PPFIBP1: variants seen among roughly 807,000 people sequenced by gnomAD.
The protein encoded by PPFIBP1 is PPFIB scaffold protein 1.
In PPFIBP1, 112 loss-of-function variants were observed where a neutral mutation model predicts 137.8. The observed-to-expected ratio is 0.81, with a 90% CI of 0.70 to 0.95. The LOEUF (loss-of-function observed/expected upper bound fraction) is 0.95, where lower values mean the gene tolerates loss of function less well. PPFIBP1 is among the 40% of genes least tolerant of loss of function. PPFIBP1 has a pLI of 0.00. For synonymous variants in PPFIBP1, 378 were observed against 417.3 expected (o/e 0.91, Z 1.15); for missense variants, 1,083 against 1,196.6 (o/e 0.91, Z 1.40).
At chr12:27,558,775 C>T (rs768355295) in intron 1 of PPFIBP1, among the ~76,000 whole-genome samples, 2 of 152,162 alleles carry the variant, frequency 1.3e-5, no homozygotes, top group Non-Finnish European at 2.9e-5. Flanking sequence ...GCATGCAAAG[C>T]TTAATTAGGT....
At chr12:27,528,610 A>T (rs1251857826) in intron 1 of PPFIBP1, among the ~76,000 whole-genome samples, 3 of 152,152 alleles carry the variant, frequency 2.0e-5, no homozygotes, top group Non-Finnish European at 4.4e-5. Flanking sequence ...TTCATTTTAG[A>T]TATAATAATT....
chr12:27,653,827 G>A (rs1215044013), intron 7 of PPFIBP1, among the ~76,000 whole-genome samples: 1 of 152,174 alleles, frequency 6.6e-6, no homozygotes, highest in Non-Finnish European at 1.5e-5. Context: ...AGTGGCAGTA[G>A]AAAAGGTGCA....
chr12:27,585,738 G>A (rs983202439), intron 2 of PPFIBP1, among the ~76,000 whole-genome samples: 2 of 152,306 alleles, frequency 1.3e-5, no homozygotes, highest in Middle Eastern at 6.8e-3. Flanking sequence ...TCTGTTCTAC[G>A]GAGGAGCTTC....
intron 2 of PPFIBP1, among the ~76,000 whole-genome samples, chr12:27,595,186 T>C (rs549681803): frequency 1.3e-5 from 2 of 152,236 alleles, no homozygotes; most frequent in East Asian, 3.8e-4. Context: ...TTAGTCCAGC[T>C]TTTTCTGTGA....
intron 1 of PPFIBP1, among the ~76,000 whole-genome samples, chr12:27,526,569 C>T (rs887642903): frequency 1.3e-5 from 2 of 152,170 alleles, no homozygotes; most frequent in Non-Finnish European, 2.9e-5. Flanking sequence ...CTTGGTGGCT[C>T]ACACCTGTAA....
intron 1 of PPFIBP1, among the ~76,000 whole-genome samples, chr12:27,563,903 C>T (rs113263092): frequency 0.02 from 2,953 of 149,858 alleles, 88 homozygotes; most frequent in African/African-American, 0.068. Flanking sequence ...GACGGAGTCT[C>T]TCTCTGTCAC....
chr12:27,672,600 T>A, intron 15 of PPFIBP1, 117 bp downstream of exon 15: 1 of 762,260 alleles, frequency 1.3e-6, no homozygotes, highest in Non-Finnish European at 2.2e-6. Flanking sequence ...AATTACTGAA[T>A]AAATCAATGT....
chr12:27,621,346 T>C (rs1312363542), intron 2 of PPFIBP1, among the ~76,000 whole-genome samples: 1 of 152,252 alleles, frequency 6.6e-6, no homozygotes. Context: ...ATTTTTGGCT[T>C]TACTTTCCTC....
At chr12:27,628,275 G>A (rs1296414415) in intron 2 of PPFIBP1, among the ~76,000 whole-genome samples, 1 of 152,014 alleles carries the variant, frequency 6.6e-6, no homozygotes, top group African/African-American at 2.4e-5. Context: ...TGGGCTCCTG[G>A]GCTCAAGTGA....
intron 2 of PPFIBP1, among the ~76,000 whole-genome samples, chr12:27,632,621 T>A (rs200662339): frequency 6.6e-6 from 1 of 152,324 alleles, no homozygotes; most frequent in South Asian, 2.1e-4. Flanking sequence ...ATAGTGGAAG[T>A]TAGACAGACC....
chr12:27,682,406 C>T lies in PPFIBP1; in HGVS notation c.2066C>T (p.Ser689Leu), dbSNP rs1349671458. The T allele has an allele frequency of 2.5e-6, 4 of 1,611,908 alleles. No individual in the cohort carries two copies. The highest frequency in any genetic ancestry group is 3.4e-6 in the Non-Finnish European group (4 of 1,178,128). Residue 689 changes from serine to leucine, a missense_variant, in exon 23 of 30, where the codon TCA (serine) becomes TTA (leucine). By Grantham distance (145) the Ser-to-Leu change is moderately radical. Coordinates refer to ENST00000228425, the MANE Select transcript of PPFIBP1 (RefSeq NM_003622.4). ...DLEKELGIKH[S>L]LHRKKLQLAL... is the part of the protein sequence containing the mutation. ...TTTCAGGAACTTGGAATCAAGCATTCACTTCATCGAAAGAAACTCCAGCTA... is the reference window on the plus strand; with the variant it reads ...TTTCAGGAACTTGGAATCAAGCATTTACTTCATCGAAAGAAACTCCAGCTA...
chr12:27,551,565 T>A (rs903376647), intron 1 of PPFIBP1, among the ~76,000 whole-genome samples: 3 of 145,848 alleles, frequency 2.1e-5, no homozygotes, highest in Non-Finnish European at 4.7e-5. Flanking sequence ...AGAAAAAAAA[T>A]TATTTGATGT....
chr12:27,545,975 T>C (rs1383355433), intron 1 of PPFIBP1, among the ~76,000 whole-genome samples: 5 of 152,212 alleles, frequency 3.3e-5, no homozygotes, highest in East Asian at 1.9e-4. Flanking sequence ...TCTCCATTAA[T>C]GGAGGGTCTG....
intron 2 of PPFIBP1, among the ~76,000 whole-genome samples, chr12:27,629,454 G>T (rs7978311): frequency 1.3e-5 from 2 of 152,056 alleles, no homozygotes; most frequent in Admixed American, 6.6e-5. Context: ...ACCTTCTATC[G>T]TAGGTTACCT....
chr12:27,649,523 TA>T (rs1313276033), intron 6 of PPFIBP1, among the ~76,000 whole-genome samples: 1 of 152,138 alleles, frequency 6.6e-6, no homozygotes, highest in African/African-American at 2.4e-5. Context: ...CAAAGGAGGG[TA>T]ACTAAAGTGA....
rs893593571 is a variant in PPFIBP1 at position 27,687,649 on chromosome 12, G to A, written c.2370+142G>A. ...CTCATTTACTTCTTAGGCTTTTTCT[G>A]TATTCCTTCCTTTTCTCTCCATGAC... On this transcript the variant is annotated intron_variant, in intron 25 of 29. Coordinates refer to ENST00000228425, the MANE Select transcript of PPFIBP1 (RefSeq NM_003622.4). 16 of 987,822 alleles carry A rather than the reference G, an allele frequency of 1.6e-5. No homozygotes were observed. In the African/African-American group the frequency reaches 2.6e-4, roughly 16 times the overall value. The allele number at this position is 987,822 out of a possible 1,614,324, so 61.2% of individuals were successfully genotyped here.
Position 27,658,847 on chromosome 12 carries a change from A to C in PPFIBP1, c.843A>C (p.Lys281Asn). ...DENFKKKLKE[K>N]NIEVQKMKKA... ...ATTTTAAAAAGAAGCTCAAAGAAAA[A>C]AGTAAGGTTTGGTGCATTTCCATCA... The change falls in exon 10 of 30, where the codon AAA becomes AAC. Residue 281 changes from lysine (K) to asparagine (N), a missense_variant and splice_region_variant. Lys to Asn is a moderately conservative substitution (Grantham distance 94). Transcript: ENST00000228425. The C allele has an allele frequency of 6.2e-7, 1 of 1,612,954 alleles. No homozygotes were observed. The highest frequency in any genetic ancestry group is 8.5e-7 in the Non-Finnish European group (1 of 1,179,160).
chr12:27,538,302 A>G (rs2135951772), intron 1 of PPFIBP1: 1 of 152,332 alleles, frequency 6.6e-6, no homozygotes, highest in Admixed American at 6.5e-5. Flanking sequence ...GGAAGCAGGT[A>G]ATCAAATTTT....
chr12:27,622,779 ATG>A (rs1394292236), intron 2 of PPFIBP1, among the ~76,000 whole-genome samples: 1 of 152,216 alleles, frequency 6.6e-6, no homozygotes, highest in African/African-American at 2.4e-5. Context: ...GTGTGTGTGT[ATG>A]TGTGTGTCTG....
Sources: allele counts gnomAD v4.1 joint callset (sites outside exome capture counted in the v4.1 genomes callset), GRCh38; gene constraint gnomAD v4.1.1; transcripts MANE v1.5; gene names NCBI Gene and HGNC (gene_info 2026-07-23, HGNC 2026-07-21).